Variants in DLC1 observed in about 807,000 individuals in gnomAD.
The protein encoded by DLC1 is rho GTPase-activating protein 7.
DLC1 carries 54 observed loss-of-function variants against 140.3 expected under a neutral mutation model. The ratio of observed to expected loss-of-function variants is 0.38; its 90% confidence interval spans 0.31 to 0.48. DLC1 has a LOEUF of 0.48. DLC1 is among the 20% of genes least tolerant of loss of function. The pLI is 0.96. For synonymous variants in DLC1, 986 were observed against 728.1 expected (o/e 1.35, Z -5.70); for missense variants, 2,536 against 1,907.0 (o/e 1.33, Z -6.14).
intron 1 of DLC1, among the ~76,000 whole-genome samples, chr8:13,584,705 G>T (rs563640068): frequency 1.3e-5 from 2 of 152,092 alleles, no homozygotes; most frequent in African/African-American, 2.4e-5. Context: ...GGAGTGCAGA[G>T]GTAGGCACAT....
chr8:13,316,172 A>C lies in DLC1; in HGVS notation c.1315-10870T>G, dbSNP rs530847981. ...TTTCTGCTGGTGATGGAAGTGTCCA[A>C]CGATGCCTCCCTACCAGCCACTTGA... On this transcript the variant is annotated intron_variant, in intron 4 of 17. Transcript: ENST00000276297. Among the ~76,000 whole-genome samples the C allele has an allele frequency of 2.6e-5, 4 of 152,270 alleles. No homozygotes were observed. In the South Asian group the frequency reaches 8.3e-4, roughly 32 times the overall value.
intron 1 of DLC1, chr8:13,559,281 C>T (rs1307967977): frequency 1.3e-5 from 2 of 152,256 alleles, no homozygotes; most frequent in Non-Finnish European, 2.9e-5. Flanking sequence ...CATAATCTAG[C>T]TCTGTTTCAG....
chr8:13,153,603 T>G (rs1442389938), intron 5 of DLC1, among the ~76,000 whole-genome samples: 2 of 152,222 alleles, frequency 1.3e-5, no homozygotes, highest in African/African-American at 4.8e-5. Context: ...CTGATTGGTT[T>G]GTTTTGACAG....
intron 5 of DLC1, among the ~76,000 whole-genome samples, chr8:13,260,847 T>C (rs903699093): frequency 6.6e-6 from 1 of 152,152 alleles, no homozygotes; most frequent in Non-Finnish European, 1.5e-5. Flanking sequence ...TCAGAAAAAA[T>C]GTGAGATAGA....
intron 4 of DLC1, among the ~76,000 whole-genome samples, chr8:13,321,825 T>C (rs190489499): frequency 6.2e-4 from 94 of 152,288 alleles, no homozygotes; most frequent in African/African-American, 2.0e-3. Context: ...TCACACCAAA[T>C]TGACATAGGC....
At chr8:13,200,582 A>G (rs1445342733) in intron 5 of DLC1, among the ~76,000 whole-genome samples, 1 of 151,924 alleles carries the variant, frequency 6.6e-6, no homozygotes, top group Non-Finnish European at 1.5e-5. Flanking sequence ...ACTGATTACA[A>G]TTTTTGTTGT....
intron 8 of DLC1, 97 bp downstream of exon 8, chr8:13,102,689 AAACT>A: frequency 9.3e-7 from 1 of 1,071,026 alleles, no homozygotes. Flanking sequence ...ACGGAACAAC[AAACT>A]AAGAGTTGGA....
At chr8:13,135,519 G>C (rs1022699385) in intron 5 of DLC1, among the ~76,000 whole-genome samples, 15 of 151,980 alleles carry the variant, frequency 9.9e-5, no homozygotes, top group Non-Finnish European at 2.1e-4. Context: ...CCCGTGATTG[G>C]ATTTGCATTT....
At chr8:13,133,149 C>T (rs1310421441) in intron 5 of DLC1, 17 of 1,446,716 alleles carry the variant, frequency 1.2e-5, no homozygotes, top group Middle Eastern at 2.2e-4. Context: ...AGAAAGAAAG[C>T]GGGGTTTTCT....
At position 13,374,669 on chromosome 8, in the gene DLC1, G is replaced by T. The variant is rs1671420; in HGVS notation, c.1314+18884C>A. On this transcript the variant is annotated intron_variant, in intron 4 of 17. Transcript: ENST00000276297. ...GTGGTAGTATGCGCCTGTAATCCTT[G>T]GTCCTAGGAGGCTGAGGCAGGAGAA... Among the ~76,000 whole-genome samples, 1,266 of 152,184 alleles carry T rather than the reference G, an allele frequency of 8.3e-3. 20 individuals carry two copies. Among genetic ancestry groups the T allele is most frequent in the African/African-American group, 0.029 (1,190 of 41,530 alleles).
intron 4 of DLC1, among the ~76,000 whole-genome samples, chr8:13,351,974 T>A (rs1183849941): frequency 6.6e-6 from 1 of 152,224 alleles, no homozygotes; most frequent in Admixed American, 6.5e-5. Context: ...CCTCAGGTGA[T>A]CTGCCCGCCT....
rs1316950671 is a variant in DLC1, at chr8:13,105,832, C to T, written c.1503-2979G>A. 2.6e-5 allele frequency among the ~76,000 whole-genome samples: 4 copies of T among 152,268 alleles called. No individual in the cohort carries two copies. The East Asian group carries it at 7.7e-4, about 29-fold the overall frequency. ...AGCTCAGGCAATCCGCTCATCTCGG[C>T]CTCCCAAAGTGCTAGGATCACAGGC... is the stretch of plus-strand genomic sequence containing the variant. On this transcript the variant is annotated intron_variant, in intron 7 of 17. Transcript: ENST00000276297.
chr8:13,554,670 A>G (rs1300902425), intron 1 of DLC1, among the ~76,000 whole-genome samples: 2 of 152,166 alleles, frequency 1.3e-5, no homozygotes, highest in African/African-American at 2.4e-5. Flanking sequence ...TGTCTCTGAA[A>G]TATGGTCCTT....
intron 5 of DLC1, chr8:13,133,452 C>A (rs1822302496): frequency 8.1e-6 from 3 of 371,094 alleles, no homozygotes; most frequent in Middle Eastern, 1.2e-3. Context: ...CCCCCCGCCC[C>A]TCTTCCTCGT....
chr8:13,290,147 T>C (rs1199614199), intron 5 of DLC1, among the ~76,000 whole-genome samples: 1 of 152,202 alleles, frequency 6.6e-6, no homozygotes, highest in Admixed American at 6.5e-5. Flanking sequence ...TTGGTAGTCA[T>C]CGAGTGCCAT....
Position 13,265,657 on chromosome 8 carries a change from T to G in DLC1, c.1348+39612A>C, listed in dbSNP as rs73665926. Among the ~76,000 whole-genome samples the G allele has an allele frequency of 4.9e-3, 739 of 151,726 alleles. 9 individuals are homozygous for G. The highest frequency in any genetic ancestry group is 0.016 in the African/African-American group (656 of 41,336). On this transcript the variant is annotated intron_variant, in intron 5 of 17. Transcript: ENST00000276297. ...GCAAATGTCCTTCATAGGCTGTGGG[T>G]TTTTTTTCCTTCCCTTCTTCCTTCT...
intron 1 of DLC1, among the ~76,000 whole-genome samples, chr8:13,586,393 G>C (rs1022135314): frequency 6.6e-6 from 1 of 152,220 alleles, no homozygotes; most frequent in Non-Finnish European, 1.5e-5. Context: ...GAGGGGAGTA[G>C]GGAAGAGTCA....
rs77822024 is a variant in DLC1 at position 13,108,881 on chromosome 8, T to C, written c.1502+1861A>G. 3.8e-3 allele frequency among the ~76,000 whole-genome samples: 572 copies of C among 152,288 alleles called. 9 individuals are homozygous for C. The highest frequency in any genetic ancestry group is 0.036 in the East Asian group (188 of 5,162). On this transcript the variant is annotated intron_variant, in intron 7 of 17. Transcript: ENST00000276297. ...TGCAGACTCCTTCCCCTCCCGAAACTGCATCTGGTTTCATTCCCGATGATA... is the reference window on the plus strand; with the variant it reads ...TGCAGACTCCTTCCCCTCCCGAAACCGCATCTGGTTTCATTCCCGATGATA...
intron 4 of DLC1, among the ~76,000 whole-genome samples, chr8:13,372,391 G>A (rs947882474): frequency 1.3e-5 from 2 of 152,116 alleles, no homozygotes; most frequent in Non-Finnish European, 2.9e-5. Flanking sequence ...CAACCATTTT[G>A]TACACAAACA....
Sources: allele counts gnomAD v4.1 joint callset (sites outside exome capture counted in the v4.1 genomes callset), GRCh38; gene constraint gnomAD v4.1.1; transcripts MANE v1.5; gene names NCBI Gene and HGNC (gene_info 2026-07-23, HGNC 2026-07-21).